HACE1: variants seen among roughly 807,000 people sequenced by gnomAD.
HACE1 encodes the protein E3 ubiquitin-protein ligase HACE1.
HACE1 carries 73 observed loss-of-function variants against 118.4 expected under a neutral mutation model. That is an observed-to-expected ratio of 0.62 (90% confidence interval 0.51 to 0.75). The LOEUF (loss-of-function observed/expected upper bound fraction) is 0.75. HACE1 is among the 30% of genes least tolerant of loss of function. The pLI is 0.00. For synonymous variants in HACE1, 368 were observed against 374.8 expected, an observed-to-expected ratio of 0.98 and a Z score of 0.21; for missense variants, 749 against 1,102.2, an observed-to-expected ratio of 0.68 and a Z score of 4.54.
chr6:104,774,967 G>A (rs1234889702), intron 17 of HACE1, among the ~76,000 whole-genome samples: 1 of 152,152 alleles, frequency 6.6e-6, no homozygotes. Flanking sequence ...ACCTGAGAAC[G>A]TGAAAATATT....
chr6:104,785,518 AT>A, intron 11 of HACE1, 199 bp from the exon 12 acceptor site: 1 of 544,284 alleles, frequency 1.8e-6, no homozygotes, highest in South Asian at 2.3e-5. Flanking sequence ...CAATTTCTTC[AT>A]TTATGGCAAT....
intron 5 of HACE1, among the ~76,000 whole-genome samples, chr6:104,836,441 G>A (rs1318355387): frequency 6.6e-6 from 1 of 152,106 alleles, no homozygotes; most frequent in Non-Finnish European, 1.5e-5. Context: ...GGCCTGGCGC[G>A]GTGGCTCACA....
intron 6 of HACE1, among the ~76,000 whole-genome samples, chr6:104,818,580 A>T (rs1772354865): frequency 6.6e-6 from 1 of 151,262 alleles, no homozygotes; most frequent in African/African-American, 2.4e-5. Context: ...GAGATACAAT[A>T]AAAAAAAATG....
intron 7 of HACE1, 66 bp from the exon 8 acceptor site, chr6:104,797,091 T>TAGTTAA: frequency 2.3e-6 from 2 of 875,376 alleles, no homozygotes; most frequent in Non-Finnish European, 3.9e-6. Flanking sequence ...GAATTATGGA[T>TAGTTAA]AGTTAATATG....
intron 11 of HACE1, chr6:104,786,695 T>G (rs1251966675): frequency 1.3e-5 from 2 of 151,850 alleles, no homozygotes; most frequent in Non-Finnish European, 2.9e-5. Flanking sequence ...TTATAAGTGG[T>G]ACAGTGGTTA....
intron 3 of HACE1, among the ~76,000 whole-genome samples, chr6:104,849,946 GT>G: frequency 7.7e-6 from 1 of 129,280 alleles, no homozygotes; most frequent in Non-Finnish European, 1.6e-5. Context: ...CACCACGCCC[GT>G]CCTTTTTTTT....
Position 104,784,488 on chromosome 6 carries a change from G to A in HACE1, c.1410-3C>T. The A allele has an allele frequency of 1.2e-6, 2 of 1,605,716 alleles. No homozygotes were observed. The highest frequency in any genetic ancestry group is 1.7e-6 in the Non-Finnish European group (2 of 1,172,638). The stretch of plus-strand genomic sequence containing the variant: ...CAATGAAACGAGGTGAAGTCATTCT[G>A]TGGGGGGAAAACATCAATCAGAATA... On this transcript the variant is annotated splice_region_variant and splice_polypyrimidine_tract_variant and intron_variant, in intron 12 of 23. Coordinates refer to ENST00000262903, the MANE Select transcript of HACE1 (RefSeq NM_020771.4).
intron 17 of HACE1, among the ~76,000 whole-genome samples, chr6:104,773,188 A>G (rs1184906092): frequency 1.3e-5 from 2 of 152,342 alleles, no homozygotes; most frequent in East Asian, 3.9e-4. Flanking sequence ...ACAAACACAT[A>G]ATGAGCTCAT....
At chr6:104,748,092 A>G (rs1306246112) in intron 20 of HACE1, among the ~76,000 whole-genome samples, 2 of 152,092 alleles carry the variant, frequency 1.3e-5, no homozygotes, top group Admixed American at 1.3e-4. Flanking sequence ...ATCAAAAAAA[A>G]CAAAACAAAA....
chr6:104,737,096 C>T (rs1775930220), intron 22 of HACE1, among the ~76,000 whole-genome samples: 1 of 150,364 alleles, frequency 6.7e-6, no homozygotes, highest in Non-Finnish European at 1.5e-5. Context: ...CCAGCTTGGC[C>T]ACGATGGTGA....
rs184630289 is a variant in HACE1, at chr6:104,848,823, T to A, written c.326+319A>T. ...AAATTATGCTTTTCAGAAAATACAA[T>A]GTCACTATAATACAAGTAATAATGA... On this transcript the variant is annotated intron_variant, in intron 4 of 23. Coordinates refer to ENST00000262903, the MANE Select transcript of HACE1 (RefSeq NM_020771.4). Among the ~76,000 whole-genome samples the A allele has an allele frequency of 3.9e-5, 6 of 152,256 alleles. No homozygotes were observed. The East Asian group carries it at 1.2e-3, about 29-fold the overall frequency.
chr6:104,789,575 G>C (rs951230867), intron 11 of HACE1, among the ~76,000 whole-genome samples: 41 of 151,966 alleles, frequency 2.7e-4, no homozygotes, highest in African/African-American at 9.9e-4. Flanking sequence ...TGACTGTGTA[G>C]GTAGAAAACT....
At chr6:104,777,449 GATA>G in intron 14 of HACE1, 132 bp from the exon 15 acceptor site, 1 of 687,214 alleles carries the variant, frequency 1.5e-6, no homozygotes, top group South Asian at 1.6e-5. Flanking sequence ...GGAGTTACTG[GATA>G]ATGTTTGAAC....
At chr6:104,737,481 C>A (rs576947195) in intron 22 of HACE1, among the ~76,000 whole-genome samples, 2 of 151,992 alleles carry the variant, frequency 1.3e-5, no homozygotes, top group African/African-American at 4.8e-5. Context: ...GCACCGTGCG[C>A]GAGCCGAAGC....
At chr6:104,737,122 A>C (rs1429351704) in intron 22 of HACE1, among the ~76,000 whole-genome samples, 2 of 47,750 alleles carry the variant, frequency 4.2e-5, no homozygotes, top group African/African-American at 5.6e-4. Flanking sequence ...CATCTCTACT[A>C]AAAAAAAAAA....
chr6:104,749,392 T>C (rs980083123), intron 20 of HACE1, among the ~76,000 whole-genome samples: 1 of 152,090 alleles, frequency 6.6e-6, no homozygotes, highest in African/African-American at 2.4e-5. Flanking sequence ...TAAATCACAA[T>C]GGACTTCAAA....
intron 4 of HACE1, among the ~76,000 whole-genome samples, chr6:104,847,551 C>CA (rs973618424): frequency 2.0e-5 from 3 of 152,178 alleles, no homozygotes; most frequent in Admixed American, 2.0e-4. Flanking sequence ...CAGCAAGAGT[C>CA]AAAGGACTAT....
At chr6:104,804,171 C>T (rs1770722836) in intron 7 of HACE1, among the ~76,000 whole-genome samples, 2 of 152,090 alleles carry the variant, frequency 1.3e-5, no homozygotes, top group South Asian at 4.1e-4. Flanking sequence ...TGTGAAGGAC[C>T]TCTTCAAGGA....
chr6:104,844,708 G>A (rs1775479038), intron 4 of HACE1, among the ~76,000 whole-genome samples: 1 of 148,542 alleles, frequency 6.7e-6, no homozygotes. Context: ...TGTTGCCCAG[G>A]CTGGAGTGCA....
Sources: gnomAD v4.1 joint callset for allele counts (sites outside exome capture counted in the v4.1 genomes callset) on GRCh38, gnomAD v4.1.1 for gene constraint, MANE v1.5 for transcripts, NCBI Gene and HGNC (gene_info 2026-07-23, HGNC 2026-07-21) for gene names.